Variants in ERAP1 observed in about 807,000 individuals in gnomAD.
The protein encoded by ERAP1 is endoplasmic reticulum aminopeptidase 1, also known as adipocyte-derived leucine aminopeptidase.
Under a neutral mutation model 103.7 loss-of-function variants are expected in ERAP1, and 86 were observed. The ratio of observed to expected loss-of-function variants is 0.83; its 90% CI spans 0.70 to 0.99. The LOEUF (loss-of-function observed/expected upper bound fraction) is 0.99, where lower values mean the gene tolerates loss of function less well. Ranked by LOEUF, ERAP1 falls within the 50% of genes least tolerant of loss-of-function variation. The probability of loss-of-function intolerance (pLI) is 0.00; values close to 1 mark genes in which losing one functional copy is unlikely to be tolerated. For synonymous variants in ERAP1, 398 were observed against 402.4 expected (o/e 0.99, Z 0.13); for missense variants, 1,009 against 1,128.4 (o/e 0.89, Z 1.52).
At chr5:96,931,690 T>G in the ERAP1 span, among the ~76,000 whole-genome samples, 102 of 152,348 alleles carry the variant, frequency 6.7e-4, 2 homozygotes, top group East Asian at 0.012. Flanking sequence ...AGGAGAATTC[T>G]AATGGGGAAT....
At chr5:96,848,330 C>T in the ERAP1 span, among the ~76,000 whole-genome samples, 2 of 152,194 alleles carry the variant, frequency 1.3e-5, no homozygotes, top group African/African-American at 4.8e-5. Context: ...GGATTACAGG[C>T]ATGAGCCACC....
At chr5:96,782,938 G>C in intron 15 of ERAP1, 113 bp downstream of exon 15, 1 of 1,008,524 alleles carries the variant, frequency 9.9e-7, no homozygotes, top group Non-Finnish European at 1.6e-6. Context: ...TCCAGAAAAG[G>C]GCAGCAGGGG....
At chr5:96,905,418 T>C in the ERAP1 span, among the ~76,000 whole-genome samples, 13 of 152,246 alleles carry the variant, frequency 8.5e-5, no homozygotes, top group Non-Finnish European at 1.8e-4. Context: ...GTCTAATTTC[T>C]AGTTGTTCTG....
the ERAP1 span, among the ~76,000 whole-genome samples, chr5:96,913,681 C>A: frequency 1.6e-4 from 24 of 152,304 alleles, 1 homozygote; most frequent in East Asian, 4.4e-3. Context: ...CTCATTCAGT[C>A]CAGGCAAGAA....
the ERAP1 span, among the ~76,000 whole-genome samples, chr5:96,830,427 A>T: frequency 6.6e-6 from 1 of 152,214 alleles, no homozygotes; most frequent in Admixed American, 6.5e-5. Context: ...GCACCAGGGA[A>T]CGTGAGCAAG....
Position 96,767,302 on chromosome 5 carries a change from A to T in ERAP1, c.2819-4074T>A, listed in dbSNP as rs933577098. The T allele has an allele frequency of 6.3e-6, 4 of 629,972 alleles. No individual in the cohort carries two copies. The African/African-American group carries it at 7.5e-5, about 12-fold the overall frequency. The allele number at this position is 629,972 out of a possible 1,614,324, so 39.0% of individuals were successfully genotyped here. On this transcript the variant is annotated intron_variant, in intron 19 of 19. Coordinates refer to the ERAP1 transcript ENST00000296754. ...GCTGGTAAAGAAATAGTGGGGACTC[A>T]GGTTTATTAGTTATTGCAAGTCTAC...
upstream of ERAP1, among the ~76,000 whole-genome samples, chr5:96,812,947 C>T (rs1176451521): frequency 1.3e-5 from 2 of 152,158 alleles, no homozygotes; most frequent in Admixed American, 6.5e-5. Context: ...GGTCTTCAGG[C>T]CACCACAGCC....
At chr5:96,817,021 A>G in the ERAP1 span, among the ~76,000 whole-genome samples, 2 of 152,232 alleles carry the variant, frequency 1.3e-5, no homozygotes, top group African/African-American at 4.8e-5. Flanking sequence ...CTGTATAGTA[A>G]GGAATTAATA....
At chr5:96,816,268 G>T in the ERAP1 span, among the ~76,000 whole-genome samples, 1 of 152,180 alleles carries the variant, frequency 6.6e-6, no homozygotes, top group South Asian at 2.1e-4. Context: ...AATTATACAT[G>T]TGAAAATTGC....
Position 96,780,461 on chromosome 5 carries a change from T to C in ERAP1, c.2632A>G (p.Thr878Ala). The C allele has an allele frequency of 1.9e-6, 3 of 1,613,624 alleles. No individual in the cohort carries two copies. Among genetic ancestry groups the C allele is most frequent in the Non-Finnish European group, 2.5e-6 (3 of 1,179,702 alleles). Residue 878 changes from threonine to alanine, a missense_variant, in exon 18 of 19, where the codon ACA becomes GCA. By Grantham distance (58) the Thr-to-Ala change is moderately conservative (BLOSUM62 0). This residue lies in a region of ERAP1 where 611 missense variants were observed against 651.7 expected (regional missense o/e 0.94). Transcript: ENST00000443439. ...SSSIAHMVMG[T>A]TNQFSTRTRL... ...GTTCTTGTGGAGAATTGATTTGTTG[T>C]ACCCATTACCATGTGGGCTATGGAA...
upstream of ERAP1, among the ~76,000 whole-genome samples, chr5:96,812,802 A>G (rs890205732): frequency 4.6e-5 from 7 of 152,224 alleles, no homozygotes; most frequent in African/African-American, 1.7e-4. Flanking sequence ...GCCTGAAAAG[A>G]GAAACTCATT....
the ERAP1 span, among the ~76,000 whole-genome samples, chr5:96,850,756 T>C: frequency 2.0e-5 from 3 of 152,088 alleles, no homozygotes; most frequent in African/African-American, 7.2e-5. Context: ...TTATTGTCAA[T>C]TAAAAATAAA....
the ERAP1 span, among the ~76,000 whole-genome samples, chr5:96,851,445 C>T: frequency 6.6e-6 from 1 of 152,164 alleles, no homozygotes; most frequent in African/African-American, 2.4e-5. Context: ...CCTCTGCAGA[C>T]TTAGGAGACA....
chr5:96,772,934 CAAAAG>C (rs1772986440), downstream of ERAP1: 1 of 153,756 alleles, frequency 6.5e-6, no homozygotes, highest in South Asian at 2.1e-4. Context: ...ACCAAAAAAA[CAAAAG>C]AAAAGCTAAG....
chr5:96,896,845 G>A, the ERAP1 span: 3 of 1,115,730 alleles, frequency 2.7e-6, no homozygotes, highest in East Asian at 4.7e-5. Context: ...ATGATGACTT[G>A]TGGAGCAGTC....
chr5:96,791,457 A>G (rs1417047405), intron 8 of ERAP1, among the ~76,000 whole-genome samples: 2 of 152,244 alleles, frequency 1.3e-5, no homozygotes, highest in African/African-American at 4.8e-5. Flanking sequence ...TGAGAAGACA[A>G]TAGAACAGTT....
chr5:96,823,655 T>C, the ERAP1 span, among the ~76,000 whole-genome samples: 3 of 152,196 alleles, frequency 2.0e-5, no homozygotes, highest in African/African-American at 7.2e-5. Context: ...CCCCCAATGG[T>C]TGCCTAAAAC....
At position 96,767,603 on chromosome 5, in the gene ERAP1, G is replaced by A. The variant is rs1770456768; in HGVS notation, c.2819-4375C>T. ...ACTCTGTGCCTGGTACTTTGTCAAA[G>A]CATGCATATAAATGTGTGTGACTAT... On this transcript the variant is annotated intron_variant, in intron 19 of 19. Coordinates refer to the ERAP1 transcript ENST00000296754. 8.2e-6 allele frequency: 6 copies of A among 727,826 alleles called. No individual in the cohort carries two copies. In the Admixed American group the frequency reaches 1.4e-4, roughly 17 times the overall value. 45.1% of individuals were successfully genotyped at this position (727,826 alleles called of 1,614,324 possible). A position where few individuals can be genotyped will look rare whatever the true frequency, so the allele number is the denominator to read the frequency against.
chr5:96,849,594 G>T, the ERAP1 span, among the ~76,000 whole-genome samples: 1 of 152,096 alleles, frequency 6.6e-6, no homozygotes, highest in Non-Finnish European at 1.5e-5. Context: ...AAACACTGAT[G>T]AAAGAAATTA....
Sources: allele counts gnomAD v4.1 joint callset (sites outside exome capture counted in the v4.1 genomes callset), GRCh38; gene constraint gnomAD v4.1.1; regional missense constraint gnomAD v4.1.1; transcripts MANE v1.5; gene names NCBI Gene and HGNC (gene_info 2026-07-23, HGNC 2026-07-21).